Variants in GALNT13 observed in about 807,000 individuals in gnomAD.
GALNT13 encodes UDP-GalNAc:polypeptide N-acetylgalactosaminyltransferase 13.
GALNT13 carries 28 observed loss-of-function variants against 64.2 expected under a neutral mutation model. The observed-to-expected ratio is 0.44, with a 90% CI of 0.32 to 0.60. GALNT13 has a LOEUF of 0.60. Among genes scored for constraint, GALNT13 ranks in the 20% least tolerant of loss-of-function variants. The pLI, the probability that GALNT13 is intolerant of heterozygous loss-of-function variation, is 0.05. For missense variants in GALNT13, 577 were observed against 669.8 expected (o/e 0.86, Z 1.53); for synonymous variants, 214 against 224.6 (o/e 0.95, Z 0.42).
chr2:153,276,745 T>G, the GALNT13 span, among the ~76,000 whole-genome samples: 64 of 152,290 alleles, frequency 4.2e-4, no homozygotes, highest in African/African-American at 1.5e-3. Flanking sequence ...TTTATCCGTC[T>G]TCTTTGTCTT....
the GALNT13 span, among the ~76,000 whole-genome samples, chr2:153,084,109 T>C: frequency 1.3e-5 from 2 of 152,258 alleles, no homozygotes; most frequent in Admixed American, 1.3e-4. Flanking sequence ...CCTGTTCTTA[T>C]ACAAGTACTA....
chr2:153,680,454 C>A, the GALNT13 span, among the ~76,000 whole-genome samples: 34,932 of 151,740 alleles, frequency 0.23, 4,443 homozygotes, highest in Middle Eastern at 0.45. Context: ...GAACTAGGAT[C>A]AAATTGGAGT....
intron 9 of GALNT13, among the ~76,000 whole-genome samples, chr2:154,358,199 A>G (rs1212405893): frequency 6.6e-6 from 1 of 152,150 alleles, no homozygotes; most frequent in East Asian, 1.9e-4. Context: ...TTCTCTTACC[A>G]TGGAAGTGTG....
chr2:154,061,969 A>G (rs1700211426), intron 3 of GALNT13, among the ~76,000 whole-genome samples: 1 of 152,198 alleles, frequency 6.6e-6, no homozygotes, highest in African/African-American at 2.4e-5. Flanking sequence ...TATATGAAAC[A>G]CAGTTTGACT....
In GALNT13 at chr2:154,288,991, C is replaced by T. The variant is rs558086734; in HGVS notation, c.976-12418C>T. ...CACCCCACATTTCCCTTCCACACTG[C>T]TCTAGCAAGAGGTTCTCCCTGAGGG... On this transcript the variant is annotated intron_variant, in intron 8 of 12. Transcript: ENST00000392825. 4.6e-5 allele frequency among the ~76,000 whole-genome samples: 7 copies of T among 152,328 alleles called. No individual in the cohort carries two copies. The South Asian group carries it at 1.4e-3, about 32-fold the overall frequency.
At chr2:154,455,625 G>T (rs1702022445), downstream of GALNT13, among the ~76,000 whole-genome samples, 1 of 152,066 alleles carries the variant, frequency 6.6e-6, no homozygotes, top group African/African-American at 2.4e-5. Flanking sequence ...CACATCTGTT[G>T]TGACTACACC....
intron 8 of GALNT13, among the ~76,000 whole-genome samples, chr2:154,264,955 A>G (rs1177639807): frequency 2.0e-5 from 3 of 150,344 alleles, no homozygotes; most frequent in East Asian, 1.9e-4. Flanking sequence ...TTCCACATAT[A>G]TGATACCTAT....
chr2:153,666,231 G>C, the GALNT13 span, among the ~76,000 whole-genome samples: 15 of 152,188 alleles, frequency 9.9e-5, no homozygotes, highest in African/African-American at 3.6e-4. Context: ...CCCACCTGCA[G>C]CCTCCCCAGA....
chr2:154,377,617 GAA>G (rs1421328735), intron 9 of GALNT13, among the ~76,000 whole-genome samples: 1 of 152,114 alleles, frequency 6.6e-6, no homozygotes, highest in Non-Finnish European at 1.5e-5. Flanking sequence ...AAATAAAAAT[GAA>G]AAGTTACATT....
At chr2:154,326,185 T>C (rs892073257) in intron 9 of GALNT13, among the ~76,000 whole-genome samples, 1 of 152,150 alleles carries the variant, frequency 6.6e-6, no homozygotes, top group Non-Finnish European at 1.5e-5. Context: ...GTTCTCATTT[T>C]TATCTGCTCT....
chr2:154,310,680 G>A (rs1286494267), intron 9 of GALNT13, among the ~76,000 whole-genome samples: 2 of 152,052 alleles, frequency 1.3e-5, no homozygotes, highest in East Asian at 3.9e-4. Flanking sequence ...ACTTCTTTGT[G>A]AACCCAAGAG....
the GALNT13 span, among the ~76,000 whole-genome samples, chr2:153,429,945 A>T: frequency 1.3e-5 from 2 of 152,154 alleles, no homozygotes; most frequent in African/African-American, 2.4e-5. Context: ...CCTCACCAGG[A>T]GAGTGAGTCA....
At chr2:154,109,220 A>G (rs910325066) in intron 3 of GALNT13, among the ~76,000 whole-genome samples, 2 of 152,154 alleles carry the variant, frequency 1.3e-5, no homozygotes, top group Middle Eastern at 3.4e-3. Context: ...TCATCAAAGT[A>G]TTTTAAGTTT....
the GALNT13 span, among the ~76,000 whole-genome samples, chr2:153,476,475 T>A: frequency 6.6e-6 from 1 of 152,244 alleles, no homozygotes; most frequent in African/African-American, 2.4e-5. Flanking sequence ...TTGTCAAGTT[T>A]ATGCTCGAAG....
chr2:153,358,953 T>C, the GALNT13 span, among the ~76,000 whole-genome samples: 1 of 152,164 alleles, frequency 6.6e-6, no homozygotes, highest in Non-Finnish European at 1.5e-5. Flanking sequence ...CAAAAAAATA[T>C]TTTGGATGCT....
At chr2:154,001,457 A>G (rs532167429) in intron 3 of GALNT13, among the ~76,000 whole-genome samples, 1 of 151,850 alleles carries the variant, frequency 6.6e-6, no homozygotes, top group Non-Finnish European at 1.5e-5. Context: ...TGTGGTTATC[A>G]TGAAGCTTAC....
chr2:153,084,029 T>G, the GALNT13 span, among the ~76,000 whole-genome samples: 1 of 152,198 alleles, frequency 6.6e-6, no homozygotes, highest in Non-Finnish European at 1.5e-5. Flanking sequence ...TTTGCTTTGT[T>G]GAAGATCAGT....
the GALNT13 span, among the ~76,000 whole-genome samples, chr2:153,634,313 A>G: frequency 2.0e-5 from 3 of 152,148 alleles, no homozygotes; most frequent in African/African-American, 7.2e-5. Flanking sequence ...ACTTTTGTTG[A>G]AAATTGTATG....
intron 4 of GALNT13, among the ~76,000 whole-genome samples, chr2:154,181,738 G>T (rs1685969699): frequency 6.6e-6 from 1 of 151,638 alleles, no homozygotes; most frequent in African/African-American, 2.4e-5. Context: ...ATCTCTTACA[G>T]GTTGCTCAAA....
Sources: allele counts gnomAD v4.1 joint callset (sites outside exome capture counted in the v4.1 genomes callset), GRCh38; gene constraint gnomAD v4.1.1; transcripts MANE v1.5; gene names NCBI Gene and HGNC (gene_info 2026-07-23, HGNC 2026-07-21).